The following NTM variants were observed in gnomAD, a reference collection of about 807,000 sequenced individuals.
NTM encodes the protein IgLON family member 2.
A neutral mutation model predicts 42.1 loss-of-function variants in NTM; 13 were observed. The ratio of observed to expected loss-of-function variants is 0.31; its 90% CI spans 0.20 to 0.49. NTM has a LOEUF of 0.49. Ranked by LOEUF, NTM falls within the 20% of genes least tolerant of loss-of-function variation. The pLI is 0.99. For missense variants in NTM, 373 were observed against 452.8 expected (o/e 0.82, Z 1.60); for synonymous variants, 187 against 179.2 (o/e 1.04, Z -0.35).
At chr11:131,569,028 G>C (rs11823522) in intron 1 of NTM, among the ~76,000 whole-genome samples, 2,346 of 152,092 alleles carry the variant, frequency 0.015, 62 homozygotes, top group African/African-American at 0.054. Flanking sequence ...GAACATTTTC[G>C]TTATCCAGAA....
intron 1 of NTM, among the ~76,000 whole-genome samples, chr11:131,738,335 CTCTTT>C (rs1162254685): frequency 6.6e-6 from 1 of 152,210 alleles, no homozygotes; most frequent in African/African-American, 2.4e-5. Context: ...TACCAGGCTT[CTCTTT>C]TAAGTGTCAG....
At position 131,680,992 on chromosome 11, in the gene NTM, CGT is replaced by C. The variant is rs1484375308; in HGVS notation, c.83-230565_83-230564del. ...CTGTATGTCTCCCTGTGTGTGTGAGCGTGTGTGTTTCTGTGTCTGTATGTCTC... is the reference window on the plus strand; with the variant it reads ...CTGTATGTCTCCCTGTGTGTGTGAGCGTGTGTTTCTGTGTCTGTATGTCTC... On this transcript the variant is annotated intron_variant, in intron 1 of 8. Coordinates refer to ENST00000683400, the MANE Select transcript of NTM (RefSeq NM_001352005.2). Among the ~76,000 whole-genome samples, 3 of 18,612 alleles carry C rather than the reference CGT, an allele frequency of 1.6e-4. 1 individual carries two copies. Among genetic ancestry groups the C allele is most frequent in the East Asian group, 6.7e-3 (2 of 300 alleles). 12.2% of individuals were successfully genotyped at this position (18,612 alleles called of 152,430 possible). A position where few individuals can be genotyped will look rare whatever the true frequency, so the allele number is the denominator to read the frequency against.
intron 1 of NTM, among the ~76,000 whole-genome samples, chr11:131,579,788 CAGG>C (rs2058240905): frequency 6.6e-6 from 1 of 152,172 alleles, no homozygotes; most frequent in Non-Finnish European, 1.5e-5. Flanking sequence ...AAAATGTGCT[CAGG>C]AGTATTCCAG....
intron 2 of NTM, among the ~76,000 whole-genome samples, chr11:132,102,234 A>T (rs921760420): frequency 3.9e-5 from 6 of 152,218 alleles, no homozygotes; most frequent in Non-Finnish European, 8.8e-5. Flanking sequence ...TTTTAATAGA[A>T]TATATACATA....
chr11:131,758,702 C>G (rs547710316), intron 1 of NTM, among the ~76,000 whole-genome samples: 5 of 152,194 alleles, frequency 3.3e-5, no homozygotes, highest in African/African-American at 1.2e-4. Context: ...AAATGATTCT[C>G]CTGTCTCTGC....
intron 1 of NTM, among the ~76,000 whole-genome samples, chr11:131,818,741 G>A (rs1183233210): frequency 6.6e-6 from 1 of 152,132 alleles, no homozygotes; most frequent in African/African-American, 2.4e-5. Context: ...GGTTGCTATC[G>A]TGCTTTTACA....
chr11:131,826,565 A>AG (rs1030016132), intron 1 of NTM, among the ~76,000 whole-genome samples: 6 of 9,766 alleles, frequency 6.1e-4, no homozygotes, highest in African/African-American at 1.6e-3. Context: ...GTAATATTCT[A>AG]AAAAAAAAAA....
At chr11:131,920,818 A>G (rs2057115113) in intron 2 of NTM, among the ~76,000 whole-genome samples, 1 of 152,196 alleles carries the variant, frequency 6.6e-6, no homozygotes, top group African/African-American at 2.4e-5. Flanking sequence ...TAAAAAAACT[A>G]AAATTGACCT....
At chr11:131,613,306 T>C (rs1239137754) in intron 1 of NTM, among the ~76,000 whole-genome samples, 2 of 151,886 alleles carry the variant, frequency 1.3e-5, no homozygotes, top group Non-Finnish European at 1.5e-5. Context: ...CCCGCCTGAC[T>C]TCGTAGTTTG....
chr11:131,398,167 A>C (rs1308877658), intron 1 of NTM, among the ~76,000 whole-genome samples: 1 of 152,184 alleles, frequency 6.6e-6, no homozygotes, highest in Non-Finnish European at 1.5e-5. Context: ...GTAGCACTGC[A>C]TATGTTTGAA....
At chr11:131,875,497 C>A (rs1565661579) in intron 1 of NTM, among the ~76,000 whole-genome samples, 1 of 152,156 alleles carries the variant, frequency 6.6e-6, no homozygotes, top group South Asian at 2.1e-4. Context: ...GTCCTTCAGC[C>A]AAGCACTGTT....
At chr11:132,158,712 G>T (rs1265080129) in intron 3 of NTM, among the ~76,000 whole-genome samples, 1 of 152,242 alleles carries the variant, frequency 6.6e-6, no homozygotes, top group South Asian at 2.1e-4. Flanking sequence ...TCTTTGGTCA[G>T]GCGTGAGAGC....
intron 1 of NTM, among the ~76,000 whole-genome samples, chr11:131,786,720 A>C (rs1273538768): frequency 1.3e-5 from 2 of 152,222 alleles, no homozygotes; most frequent in African/African-American, 4.8e-5. Context: ...TCAAGCTCCA[A>C]TTGATAGCAT....
intron 1 of NTM, among the ~76,000 whole-genome samples, chr11:131,825,776 A>G (rs2042054818): frequency 6.6e-6 from 1 of 152,206 alleles, no homozygotes; most frequent in African/African-American, 2.4e-5. Context: ...AGGGTACAGG[A>G]TGACAACTGG....
At chr11:131,420,023 C>T (rs1178628001) in intron 1 of NTM, among the ~76,000 whole-genome samples, 1 of 152,172 alleles carries the variant, frequency 6.6e-6, no homozygotes. Context: ...ACCGTGTCCT[C>T]CTCTCACGTA....
intron 2 of NTM, among the ~76,000 whole-genome samples, chr11:132,085,762 G>A (rs1386324095): frequency 1.3e-5 from 2 of 152,020 alleles, no homozygotes; most frequent in African/African-American, 4.8e-5. Flanking sequence ...TATTTCATTT[G>A]CAAATCTCCT....
intron 2 of NTM, among the ~76,000 whole-genome samples, chr11:131,947,919 C>A (rs377029330): frequency 6.6e-6 from 1 of 152,260 alleles, no homozygotes; most frequent in African/African-American, 2.4e-5. Context: ...AGTAAGCACA[C>A]AATAACCATT....
intron 1 of NTM, among the ~76,000 whole-genome samples, chr11:131,761,820 T>C (rs1304276227): frequency 3.7e-5 from 4 of 107,602 alleles, no homozygotes; most frequent in Non-Finnish European, 8.1e-5. Flanking sequence ...AATAAATAAA[T>C]AAATAAATAA....
chr11:131,482,592 T>C (rs1953724349), intron 1 of NTM, among the ~76,000 whole-genome samples: 1 of 152,192 alleles, frequency 6.6e-6, no homozygotes, highest in African/African-American at 2.4e-5. Flanking sequence ...AACGTGAATC[T>C]TCACAGGCTT....
Sources: allele counts gnomAD v4.1 joint callset (sites outside exome capture counted in the v4.1 genomes callset), GRCh38; gene constraint gnomAD v4.1.1; transcripts MANE v1.5; gene names NCBI Gene and HGNC (gene_info 2026-07-23, HGNC 2026-07-21).